The following ALK variants were observed in gnomAD, a reference collection of about 807,000 sequenced individuals.
The protein encoded by ALK is ALK tyrosine kinase receptor.
Under a neutral mutation model 163.1 loss-of-function variants are expected in ALK, and 74 were observed. The ratio of observed to expected loss-of-function variants is 0.45; its 90% confidence interval spans 0.38 to 0.55. The LOEUF (loss-of-function observed/expected upper bound fraction) is 0.55, where lower values mean the gene tolerates loss of function less well. ALK is among the 20% of genes least tolerant of loss of function. ALK has a pLI of 0.00. For missense variants in ALK, 2,063 were observed against 2,105.3 expected (o/e 0.98, Z 0.39); for synonymous variants, 960 against 843.2 (o/e 1.14, Z -2.40).
chr2:29,556,193 A>T (rs909249517), intron 3 of ALK, among the ~76,000 whole-genome samples: 1 of 152,154 alleles, frequency 6.6e-6, no homozygotes, highest in Non-Finnish European at 1.5e-5. Flanking sequence ...CAGAGCTCTG[A>T]CCACCTATGC....
chr2:29,289,110 A>C (rs988549609), intron 9 of ALK, among the ~76,000 whole-genome samples: 2 of 152,198 alleles, frequency 1.3e-5, no homozygotes, highest in Non-Finnish European at 2.9e-5. Flanking sequence ...AACTAAGGTC[A>C]TTAAAATCTG....
At chr2:29,239,403 A>G (rs1664463185) in intron 13 of ALK, among the ~76,000 whole-genome samples, 1 of 151,958 alleles carries the variant, frequency 6.6e-6, no homozygotes, top group Non-Finnish European at 1.5e-5. Context: ...CAGGTGAGGG[A>G]GGGGGGGAGC....
At chr2:29,853,402 C>A (rs1358716023) in intron 1 of ALK, among the ~76,000 whole-genome samples, 2 of 152,146 alleles carry the variant, frequency 1.3e-5, no homozygotes, top group East Asian at 3.9e-4. Context: ...AGTTCTTCAC[C>A]TTCTCTCACC....
At chr2:29,570,061 A>T (rs1299104636) in intron 3 of ALK, among the ~76,000 whole-genome samples, 1 of 152,154 alleles carries the variant, frequency 6.6e-6, no homozygotes, top group Non-Finnish European at 1.5e-5. Flanking sequence ...ACAACTAGCA[A>T]AGTCTCCTTA....
rs757521797 is a variant in ALK, at chr2:29,225,505, G to A, written c.3128C>T (p.Ala1043Val). 9.9e-6 allele frequency: 16 copies of A among 1,613,418 alleles called. No homozygotes were observed. Among genetic ancestry groups the A allele is most frequent in the Non-Finnish European group, 1.4e-5 (16 of 1,179,990 alleles). Residue 1043 changes from alanine to valine, a missense_variant, in exon 19 of 29, where the codon GCC becomes GTC. Physicochemically the swap from Ala to Val is moderately conservative, Grantham distance 64 (BLOSUM62 0). Transcript: ENST00000389048. ...LSLILSVVTS[A>V]LVAALVLAFS... ...AGCCAGGACCAGGGCGGCCACGAGG[G>A]CAGAGGTCACCACAGAGAGGATCAG... is the stretch of plus-strand genomic sequence containing the variant.
chr2:29,742,266 G>A (rs1680082964), intron 1 of ALK, among the ~76,000 whole-genome samples: 1 of 152,214 alleles, frequency 6.6e-6, no homozygotes, highest in African/African-American at 2.4e-5. Context: ...AACATCAGCA[G>A]GGCAAGCACT....
intron 5 of ALK, among the ~76,000 whole-genome samples, chr2:29,349,797 G>A (rs1403046455): frequency 6.6e-6 from 1 of 152,198 alleles, no homozygotes; most frequent in Non-Finnish European, 1.5e-5. Context: ...CCCTGCTCAG[G>A]GAAGAGCAGC....
chr2:29,668,589 C>T (rs745366259), intron 3 of ALK, among the ~76,000 whole-genome samples: 3 of 151,994 alleles, frequency 2.0e-5, no homozygotes, highest in Non-Finnish European at 4.4e-5. Context: ...AGAGTTTTAT[C>T]CCATTGTGGG....
At chr2:29,206,298 C>G (rs1193051218) in intron 26 of ALK, among the ~76,000 whole-genome samples, 1 of 151,020 alleles carries the variant, frequency 6.6e-6, no homozygotes, top group African/African-American at 2.4e-5. Flanking sequence ...CTCTCTCTCC[C>G]CCTCTCTTGC....
chr2:29,545,949 C>T (rs1223385369), intron 3 of ALK, among the ~76,000 whole-genome samples: 6 of 152,126 alleles, frequency 3.9e-5, no homozygotes, highest in Admixed American at 6.5e-5. Context: ...AACAACCTTT[C>T]GGGTCCTACT....
intron 8 of ALK, among the ~76,000 whole-genome samples, chr2:29,298,072 TTTGA>T (rs1666251461): frequency 6.6e-6 from 1 of 152,170 alleles, no homozygotes; most frequent in Admixed American, 6.5e-5. Flanking sequence ...TGCCTCACAA[TTTGA>T]TTGAAGAGGT....
At chr2:29,464,382 G>C (rs1671156237) in intron 4 of ALK, among the ~76,000 whole-genome samples, 1 of 152,132 alleles carries the variant, frequency 6.6e-6, no homozygotes, top group Non-Finnish European at 1.5e-5. Context: ...TTTAGGCTTT[G>C]CAGGTCGTCA....
chr2:29,851,759 T>C (rs1665998705), intron 1 of ALK, among the ~76,000 whole-genome samples: 2 of 152,210 alleles, frequency 1.3e-5, no homozygotes, highest in South Asian at 4.1e-4. Context: ...CCTGGCGGAA[T>C]ACATGCAAAC....
chr2:29,320,652 C>T, intron 7 of ALK, 99 bp downstream of exon 7: 1 of 1,556,080 alleles, frequency 6.4e-7, no homozygotes, highest in South Asian at 1.1e-5. Flanking sequence ...GACACCCGAG[C>T]TTGCCCTGCA....
Position 29,465,402 on chromosome 2 carries a change from G to A in ALK, c.1154+66513C>T, listed in dbSNP as rs527908831. On this transcript the variant is annotated intron_variant, in intron 4 of 28. Coordinates refer to ENST00000389048, the MANE Select transcript of ALK (RefSeq NM_004304.5). Reference sequence around the variant, plus strand: ...TATAGGGACTTTCACTATAAGGAACGTTAAAAGTAGGCCAGGCATGGTGGC... The same window carrying A: ...TATAGGGACTTTCACTATAAGGAACATTAAAAGTAGGCCAGGCATGGTGGC... Among the ~76,000 whole-genome samples the A allele has an allele frequency of 6.6e-5, 10 of 152,162 alleles. 1 individual carries two copies. Among genetic ancestry groups the A allele is most frequent in the South Asian group, 4.1e-4 (2 of 4,824 alleles).
At position 29,311,136 on chromosome 2, in the gene ALK, TCA is replaced by T. The variant is rs1666682833; in HGVS notation, c.1647+7166_1647+7167del. Among the ~76,000 whole-genome samples, 5 of 152,362 alleles carry T rather than the reference TCA, an allele frequency of 3.3e-5. No individual in the cohort carries two copies. In the South Asian group the frequency reaches 1.0e-3, roughly 32 times the overall value. On this transcript the variant is annotated intron_variant, in intron 8 of 28. Coordinates refer to ENST00000389048, the MANE Select transcript of ALK (RefSeq NM_004304.5). ...CAGCAGTGTTAGCAGCTGCCAGGGC[TCA>T]GCCCTCCTGAGGTTTCAGCACCAGG...
At chr2:29,736,747 CAT>C (rs1440190880) in intron 1 of ALK, among the ~76,000 whole-genome samples, 1 of 151,758 alleles carries the variant, frequency 6.6e-6, no homozygotes, top group Non-Finnish European at 1.5e-5. Flanking sequence ...AATGACAAGA[CAT>C]AGAAAAAAAT....
intron 4 of ALK, among the ~76,000 whole-genome samples, chr2:29,404,906 A>G (rs922720176): frequency 1.3e-5 from 2 of 152,198 alleles, no homozygotes; most frequent in Non-Finnish European, 1.5e-5. Flanking sequence ...CCCAGCCCCA[A>G]GGAGGAGGAC....
intron 1 of ALK, among the ~76,000 whole-genome samples, chr2:29,718,383 A>G (rs936163319): frequency 1.2e-4 from 18 of 152,236 alleles, no homozygotes; most frequent in African/African-American, 4.3e-4. Context: ...ATTACAATAT[A>G]TCTACAAATC....
Sources: allele counts gnomAD v4.1 joint callset (sites outside exome capture counted in the v4.1 genomes callset), GRCh38; gene constraint gnomAD v4.1.1; transcripts MANE v1.5; gene names NCBI Gene and HGNC (gene_info 2026-07-23, HGNC 2026-07-21).